Variants in KLHL7 observed in about 807,000 individuals in gnomAD.
The protein encoded by KLHL7 is kelch like family member 7.
In KLHL7, 44 loss-of-function variants were observed where a neutral mutation model predicts 67.4. That is an observed-to-expected ratio of 0.65 (90% CI 0.51 to 0.84). The LOEUF (loss-of-function observed/expected upper bound fraction) is 0.84, where lower values mean the gene tolerates loss of function less well. Ranked by LOEUF, KLHL7 falls within the 40% of genes least tolerant of loss-of-function variation. The pLI, the probability that KLHL7 is intolerant of heterozygous loss-of-function variation, is 0.00. For synonymous variants in KLHL7, 252 were observed against 243.3 expected (o/e 1.04, Z -0.33); for missense variants, 362 against 718.1 (o/e 0.50, Z 5.67).
At chr7:23,173,742 G>T (rs1672025719) in intron 10 of KLHL7, among the ~76,000 whole-genome samples, 1 of 152,068 alleles carries the variant, frequency 6.6e-6, no homozygotes, top group African/African-American at 2.4e-5. Flanking sequence ...TCACCGATTG[G>T]TTTATTTTGC....
chr7:23,111,332 A>AATTT (rs1427143145), intron 1 of KLHL7, among the ~76,000 whole-genome samples: 1 of 152,200 alleles, frequency 6.6e-6, no homozygotes, highest in Non-Finnish European at 1.5e-5. Context: ...AGACTGATTA[A>AATTT]AGGTCAGTGT....
At chr7:23,125,013 A>C in intron 3 of KLHL7, 35 bp from the exon 4 acceptor site, 1 of 1,583,070 alleles carries the variant, frequency 6.3e-7, no homozygotes, top group Non-Finnish European at 8.7e-7. Context: ...ATAAAAAATC[A>C]TGGGTAACTA....
chr7:23,131,782 C>T (rs926429202), intron 4 of KLHL7, among the ~76,000 whole-genome samples: 28 of 148,824 alleles, frequency 1.9e-4, no homozygotes, highest in African/African-American at 6.5e-4. Context: ...CTCAATCTCC[C>T]GACTACCATT....
rs931014699 is a variant in KLHL7, at chr7:23,174,733, T to A, written c.*435T>A. ...AAATAGTATGAATTGTAAGTCAAGATGGGCAACTCAGATGGAGCAGCTTAG... is the reference window on the plus strand; with the variant it reads ...AAATAGTATGAATTGTAAGTCAAGAAGGGCAACTCAGATGGAGCAGCTTAG... On this transcript the variant is annotated 3_prime_UTR_variant, in exon 11 of 11. Coordinates refer to ENST00000339077, the MANE Select transcript of KLHL7 (RefSeq NM_001031710.3). 1.1e-5 allele frequency: 5 copies of A among 454,988 alleles called. No homozygotes were observed. Among genetic ancestry groups the A allele is most frequent in the African/African-American group, 6.0e-5 (3 of 50,046 alleles). The allele number at this position is 454,988 out of a possible 1,614,324, so 28.2% of individuals were successfully genotyped here.
At chr7:23,167,686 A>T in intron 8 of KLHL7, 150 bp from the exon 9 acceptor site, 5 of 689,060 alleles carry the variant, frequency 7.3e-6, no homozygotes, top group Non-Finnish European at 1.3e-5. Context: ...TTCTTAAACT[A>T]TTCCTACACT....
intron 4 of KLHL7, among the ~76,000 whole-genome samples, chr7:23,139,996 C>T (rs959156643): frequency 6.6e-6 from 1 of 151,794 alleles, no homozygotes; most frequent in Non-Finnish European, 1.5e-5. Flanking sequence ...AGATTTTGCC[C>T]ATAAACAGTA....
At chr7:23,118,444 CCT>C (rs369181071) in intron 1 of KLHL7, among the ~76,000 whole-genome samples, 108 of 152,318 alleles carry the variant, frequency 7.1e-4, no homozygotes, top group African/African-American at 2.4e-3. Flanking sequence ...CAGGAACAGT[CCT>C]CTCCTGCCAG....
At position 23,152,093 on chromosome 7, in the gene KLHL7, C is replaced by G. The variant is rs369326533; in HGVS notation, c.820C>G (p.Pro274Ala). Reference sequence around the variant, plus strand: ...TGGAATGAGGTACCATCTACTGTCTCCAGAGGACCGAGAAGAACTTGTAGA... The same window carrying G: ...TGGAATGAGGTACCATCTACTGTCTGCAGAGGACCGAGAAGAACTTGTAGA... ...ISGMRYHLLS[P>A]EDREELVDGT... The change falls in exon 7 of 11, where the codon CCA (proline) becomes GCA (alanine). Residue 274 changes from proline to alanine, a missense_variant. Coordinates refer to ENST00000339077, the MANE Select transcript of KLHL7 (RefSeq NM_001031710.3). The G allele has an allele frequency of 6.2e-7, 1 of 1,613,886 alleles. No individual in the cohort carries two copies. The highest frequency in any genetic ancestry group is 8.5e-7 in the Non-Finnish European group (1 of 1,179,838).
At chr7:23,168,244 G>A (rs1785059035) in intron 9 of KLHL7, 4 of 581,970 alleles carry the variant, frequency 6.9e-6, no homozygotes, top group Non-Finnish European at 1.2e-5. Context: ...ACACCCCATG[G>A]GAACCTCTTT....
At chr7:23,117,932 A>G (rs766999824) in intron 1 of KLHL7, 18 of 1,614,146 alleles carry the variant, frequency 1.1e-5, no homozygotes, top group Non-Finnish European at 1.5e-5. Context: ...GACTGATTGC[A>G]GAACCTTCTT....
intron 8 of KLHL7, 92 bp from the exon 9 acceptor site, chr7:23,167,744 T>C (rs1785044593): frequency 8.6e-7 from 1 of 1,159,830 alleles, no homozygotes; most frequent in African/African-American, 1.5e-5. Context: ...CCCTAAATTC[T>C]TCCTTCCTTA....
Position 23,140,766 on chromosome 7 carries a change from T to C in KLHL7, c.443-3T>C. ...TATTCTTTTATTTTCTTTCTGTGTT[T>C]AGGTATAAGTGTGCTAGCGGAGTGT... On this transcript the variant is annotated splice_region_variant and splice_polypyrimidine_tract_variant and intron_variant, in intron 4 of 10. Coordinates refer to ENST00000339077, the MANE Select transcript of KLHL7 (RefSeq NM_001031710.3). 6.2e-7 allele frequency: 1 copy of C among 1,612,668 alleles called. No homozygotes were observed. The highest frequency in any genetic ancestry group is 8.5e-7 in the Non-Finnish European group (1 of 1,178,968).
intron 7 of KLHL7, chr7:23,156,236 G>A (rs1784702640): frequency 5.3e-6 from 1 of 189,200 alleles, no homozygotes; most frequent in Admixed American, 6.0e-5. Flanking sequence ...TGACTAAAAA[G>A]TTATAGCAAA....
chr7:23,170,943 C>CT (rs1785141880), intron 9 of KLHL7, among the ~76,000 whole-genome samples: 1 of 138,430 alleles, frequency 7.2e-6, no homozygotes, highest in African/African-American at 2.8e-5. Flanking sequence ...GAGTCTCACT[C>CT]TGTCACCATG....
intron 1 of KLHL7, among the ~76,000 whole-genome samples, chr7:23,117,495 G>T (rs1304633874): frequency 2.0e-5 from 3 of 152,080 alleles, no homozygotes; most frequent in African/African-American, 7.2e-5. Flanking sequence ...CTCTTAAAGG[G>T]CAATTATGCC....
intron 4 of KLHL7, among the ~76,000 whole-genome samples, chr7:23,131,655 T>A (rs1562565019): frequency 5.3e-5 from 8 of 152,218 alleles, no homozygotes; most frequent in Admixed American, 2.0e-4. Context: ...AATTACACTC[T>A]AAGTTATTTT....
At chr7:23,170,427 G>A (rs1785123845) in intron 9 of KLHL7, among the ~76,000 whole-genome samples, 4 of 152,194 alleles carry the variant, frequency 2.6e-5, no homozygotes, top group African/African-American at 7.2e-5. Context: ...TGGAGGTAGA[G>A]AGTAGAATGA....
At chr7:23,120,054 G>A (rs1562555256) in intron 1 of KLHL7, among the ~76,000 whole-genome samples, 1 of 152,026 alleles carries the variant, frequency 6.6e-6, no homozygotes, top group African/African-American at 2.4e-5. Context: ...CTCTCACCCA[G>A]GCTGGAGTGC....
chr7:23,154,209 G>T (rs1441376171), intron 7 of KLHL7, among the ~76,000 whole-genome samples: 5 of 152,052 alleles, frequency 3.3e-5, no homozygotes, highest in Admixed American at 2.0e-4. Flanking sequence ...CAAAAAATTG[G>T]CTGGGCATGG....
Sources: allele counts gnomAD v4.1 joint callset (sites outside exome capture counted in the v4.1 genomes callset), GRCh38; gene constraint gnomAD v4.1.1; transcripts MANE v1.5; gene names NCBI Gene and HGNC (gene_info 2026-07-23, HGNC 2026-07-21).